The following SMYD2 variants were observed in gnomAD, a reference collection of about 807,000 sequenced individuals.
SMYD2 encodes SET and MYND domain containing 2.
In SMYD2, 53 loss-of-function variants were observed where a neutral mutation model predicts 59.1. That is an observed-to-expected ratio of 0.90 (90% confidence interval 0.72 to 1.13). The LOEUF (loss-of-function observed/expected upper bound fraction) is 1.13. SMYD2 is among the 50% of genes most tolerant of loss of function. The pLI, the probability that SMYD2 is intolerant of heterozygous loss-of-function variation, is 0.00. For synonymous variants in SMYD2, 208 were observed against 198.8 expected (o/e 1.05, Z -0.39); for missense variants, 494 against 544.7 (o/e 0.91, Z 0.93).
rs777417540 is a variant in SMYD2, at chr1:214,331,998, T to C, written c.938-20T>C. The C allele has an allele frequency of 1.9e-6, 3 of 1,605,820 alleles. No individual in the cohort carries two copies. Among genetic ancestry groups the C allele is most frequent in the Non-Finnish European group, 1.7e-6 (2 of 1,176,542 alleles). ...CCAGGCAGCTTGGGCCCGGTGGCCC[T>C]TTCCTTGACTCCACAGCACCCCCTA... On this transcript the variant is annotated intron_variant, in intron 9 of 11. Coordinates refer to ENST00000366957, the MANE Select transcript of SMYD2 (RefSeq NM_020197.3).
At chr1:214,303,998 A>G (rs919203486) in intron 1 of SMYD2, among the ~76,000 whole-genome samples, 1 of 152,224 alleles carries the variant, frequency 6.6e-6, no homozygotes, top group Non-Finnish European at 1.5e-5. Context: ...CCACTTGGGA[A>G]AAAAGTAAAG....
intron 3 of SMYD2, among the ~76,000 whole-genome samples, chr1:214,315,302 T>C (rs1474874022): frequency 1.3e-5 from 2 of 152,224 alleles, no homozygotes; most frequent in East Asian, 3.8e-4. Context: ...TCTTGGCTCC[T>C]TTCTTGCCTG....
intron 5 of SMYD2, among the ~76,000 whole-genome samples, chr1:214,324,160 C>T (rs1657222185): frequency 3.3e-5 from 5 of 152,302 alleles, no homozygotes; most frequent in Admixed American, 2.0e-4. Flanking sequence ...TGGTTTCGAA[C>T]TCCCGACCTC....
chr1:214,316,263 G>T (rs944904891), intron 3 of SMYD2, among the ~76,000 whole-genome samples: 2 of 152,100 alleles, frequency 1.3e-5, no homozygotes, highest in African/African-American at 2.4e-5. Flanking sequence ...TTGAATCCAG[G>T]AGTTCGAGAC....
In SMYD2 at chr1:214,332,186, C is replaced by T. The variant is rs1487597648; in HGVS notation, c.1106C>T (p.Pro369Leu). Residue 369 changes from proline (P) to leucine (L), a missense_variant, in exon 10 of 12, where the codon CCC (proline) becomes CTC (leucine). Coordinates refer to ENST00000366957, the MANE Select transcript of SMYD2 (RefSeq NM_020197.3). ...CAATATGGACAGAAAATCATTAAGC[C>T]CTACAGGTGATTGCAGAGGCTGTTC... ...ALQYGQKIIK[P>L]YSKHYPLYSL... The T allele has an allele frequency of 3.1e-6, 5 of 1,613,898 alleles. No homozygotes were observed. Among genetic ancestry groups the T allele is most frequent in the Non-Finnish European group, 4.2e-6 (5 of 1,179,904 alleles).
intron 7 of SMYD2, 55 bp downstream of exon 7, chr1:214,327,779 A>T: frequency 6.9e-7 from 1 of 1,441,808 alleles, no homozygotes. Context: ...GCTCTTTAAA[A>T]GGCAATGTGG....
At position 214,285,832 on chromosome 1, in the gene SMYD2, G is replaced by A. The variant is rs1293513645; in HGVS notation, c.173+4405G>A. Reference sequence around the variant, plus strand: ...AGAGAGTCTACTACTCACCTAGGCTGTATGGTATAGCCTGTTGCTCTTAGG... The same window carrying A: ...AGAGAGTCTACTACTCACCTAGGCTATATGGTATAGCCTGTTGCTCTTAGG... On this transcript the variant is annotated intron_variant, in intron 1 of 11. Coordinates refer to ENST00000366957, the MANE Select transcript of SMYD2 (RefSeq NM_020197.3). Among the ~76,000 whole-genome samples the A allele has an allele frequency of 7.2e-5, 11 of 152,218 alleles. 1 individual carries two copies. Among genetic ancestry groups the A allele is most frequent in the African/African-American group, 2.4e-4 (10 of 41,448 alleles).
In SMYD2 at chr1:214,332,088, C is replaced by T. The variant is rs141785703; in HGVS notation, c.1008C>T (p.Asn336=). ...TGAGCTCTGTGTTTGAGGACAGTAA[C>T]GTGTACATGTTGCACATGATGTACC... ...EKMSSVFEDS[N]VYMLHMMYQA... is the part of the protein sequence containing the mutation. The change falls in exon 10 of 12, where the codon AAC becomes AAT. Residue 336 remains asparagine (N), a synonymous_variant. Coordinates refer to ENST00000366957, the MANE Select transcript of SMYD2 (RefSeq NM_020197.3). 6.2e-5 allele frequency: 100 copies of T among 1,614,000 alleles called. No homozygotes were observed. The highest frequency in any genetic ancestry group is 2.3e-4 in the Admixed American group (14 of 60,006).
chr1:214,332,311 T>G, intron 10 of SMYD2, 119 bp downstream of exon 10: 27 of 1,181,750 alleles, frequency 2.3e-5, no homozygotes, highest in Non-Finnish European at 3.2e-5. Context: ...GCCTCTTCTC[T>G]GCACCCACAT....
intron 1 of SMYD2, among the ~76,000 whole-genome samples, chr1:214,295,240 T>C (rs1273371485): frequency 6.6e-6 from 1 of 152,222 alleles, no homozygotes; most frequent in Non-Finnish European, 1.5e-5. Flanking sequence ...TAAAAGTGTG[T>C]ACATTCATTC....
chr1:214,319,640 G>A (rs1657138792), intron 5 of SMYD2, among the ~76,000 whole-genome samples: 1 of 152,224 alleles, frequency 6.6e-6, no homozygotes, highest in Non-Finnish European at 1.5e-5. Context: ...TAGGACGAGA[G>A]AACAAAGGGT....
chr1:214,324,818 C>A, intron 6 of SMYD2, 110 bp downstream of exon 6: 1 of 951,942 alleles, frequency 1.1e-6, no homozygotes, highest in Non-Finnish European at 1.6e-6. Flanking sequence ...ACATGAAACT[C>A]AAAGTGAATT....
chr1:214,336,464 G>A lies in SMYD2; in HGVS notation c.1222-240G>A, dbSNP rs140765544. 3.1e-3 allele frequency among the ~76,000 whole-genome samples: 474 copies of A among 152,328 alleles called. 1 individual carries two copies. Among genetic ancestry groups the A allele is most frequent in the Non-Finnish European group, 5.2e-3 (356 of 68,022 alleles). On this transcript the variant is annotated intron_variant, in intron 11 of 11. Transcript: ENST00000366957. ...GGAGAATGGCGTGAACCCGGGATGCGGAGCTTGCAGTGAGCGGAGATCGCA... is the reference window on the plus strand; with the variant it reads ...GGAGAATGGCGTGAACCCGGGATGCAGAGCTTGCAGTGAGCGGAGATCGCA...
At chr1:214,284,254 G>GTTTTTTTTTTTTTTTTTTTTTTTTT (rs34049644) in intron 1 of SMYD2, among the ~76,000 whole-genome samples, 1 of 90,364 alleles carries the variant, frequency 1.1e-5, no homozygotes, top group Non-Finnish European at 2.0e-5. Context: ...TTTTGGTGTG[G>GTTTTTTTTTTTTTTTTTTTTTTTTT]TTTTTTTTTT....
chr1:214,314,314 G>C (rs1416515562), intron 2 of SMYD2, among the ~76,000 whole-genome samples: 1 of 152,150 alleles, frequency 6.6e-6, no homozygotes, highest in Non-Finnish European at 1.5e-5. Flanking sequence ...CCTGTAAAAG[G>C]GACTCATTGC....
intron 1 of SMYD2, among the ~76,000 whole-genome samples, chr1:214,299,642 T>C (rs1656789948): frequency 6.6e-6 from 1 of 152,122 alleles, no homozygotes; most frequent in South Asian, 2.1e-4. Flanking sequence ...ACAGACTCTC[T>C]GTTGCCCAGG....
chr1:214,296,914 AG>A (rs1356131112), intron 1 of SMYD2, among the ~76,000 whole-genome samples: 5 of 152,246 alleles, frequency 3.3e-5, no homozygotes, highest in African/African-American at 1.2e-4. Flanking sequence ...ACTTGATCTT[AG>A]GTTAGAAAAA....
At chr1:214,336,360 G>A (rs969097344) in intron 11 of SMYD2, among the ~76,000 whole-genome samples, 8 of 152,184 alleles carry the variant, frequency 5.3e-5, no homozygotes, top group Middle Eastern at 3.4e-3. Context: ...GTGAAACCCC[G>A]TGTCTACTAA....
Position 214,314,889 on chromosome 1 carries a change from A to G in SMYD2, c.348+17A>G. On this transcript the variant is annotated intron_variant, in intron 3 of 11. Transcript: ENST00000366957. ...GCCAAACAGGTGAGGAAATGGGACA[A>G]TGTTCAAGTGCATTTTATTTTGTTT... The G allele has an allele frequency of 2.6e-6, 4 of 1,566,712 alleles. No homozygotes were observed. Among genetic ancestry groups the G allele is most frequent in the South Asian group, 1.1e-5 (1 of 89,824 alleles).
Sources: allele counts gnomAD v4.1 joint callset (sites outside exome capture counted in the v4.1 genomes callset), GRCh38; gene constraint gnomAD v4.1.1; transcripts MANE v1.5; gene names NCBI Gene and HGNC (gene_info 2026-07-23, HGNC 2026-07-21).